The following EXOC6B variants were observed in gnomAD, a reference collection of about 807,000 sequenced individuals.
The protein encoded by EXOC6B is SEC15 homolog B.
A neutral mutation model predicts 113.5 loss-of-function variants in EXOC6B; 54 were observed. The observed-to-expected ratio is 0.48, with a 90% CI of 0.38 to 0.60. The LOEUF (loss-of-function observed/expected upper bound fraction) is 0.60. Ranked by LOEUF, EXOC6B falls within the 20% of genes least tolerant of loss-of-function variation. The pLI is 0.00. For missense variants in EXOC6B, 797 were observed against 977.5 expected, an observed-to-expected ratio of 0.82 and a Z score of 2.46; for synonymous variants, 357 against 339.0, an observed-to-expected ratio of 1.05 and a Z score of -0.58.
chr2:72,262,263 C>T (rs1411274165), intron 20 of EXOC6B, among the ~76,000 whole-genome samples: 1 of 151,812 alleles, frequency 6.6e-6, no homozygotes, highest in Non-Finnish European at 1.5e-5. Flanking sequence ...AGATGTATCT[C>T]AGGTAACCTC....
chr2:72,329,635 A>G (rs188667030), intron 20 of EXOC6B, among the ~76,000 whole-genome samples: 28 of 152,162 alleles, frequency 1.8e-4, no homozygotes, highest in Non-Finnish European at 3.5e-4. Flanking sequence ...TATTCACTAG[A>G]CTTGGGCAAT....
chr2:72,767,483 ATG>A (rs1325526340), intron 1 of EXOC6B, among the ~76,000 whole-genome samples: 1 of 151,810 alleles, frequency 6.6e-6, no homozygotes, highest in Non-Finnish European at 1.5e-5. Flanking sequence ...ACTTTTGTGT[ATG>A]TGTTATGTTT....
chr2:72,514,940 AACACACACACACAG>A, intron 9 of EXOC6B, 89 bp downstream of exon 9: 1 of 1,019,602 alleles, frequency 9.8e-7, no homozygotes, highest in Non-Finnish European at 1.4e-6. Context: ...AATGACAGTA[AACACACACACACAG>A]ACACACACAC....
intron 18 of EXOC6B, among the ~76,000 whole-genome samples, chr2:72,426,838 C>A (rs964323761): frequency 6.6e-6 from 1 of 152,244 alleles, no homozygotes; most frequent in Admixed American, 6.5e-5. Context: ...CCATCCGGAG[C>A]GGCCGCTGCT....
intron 20 of EXOC6B, among the ~76,000 whole-genome samples, chr2:72,265,932 T>G (rs1684050049): frequency 6.6e-6 from 1 of 152,132 alleles, no homozygotes; most frequent in East Asian, 1.9e-4. Flanking sequence ...CCTGACTTTT[T>G]AATAATTGCC....
intron 20 of EXOC6B, among the ~76,000 whole-genome samples, chr2:72,322,871 T>G (rs955520892): frequency 1.3e-5 from 2 of 152,108 alleles, no homozygotes; most frequent in African/African-American, 2.4e-5. Flanking sequence ...ATGTAAGACC[T>G]AAAAGCATAA....
chr2:72,782,461 T>G (rs1388851146), intron 1 of EXOC6B, among the ~76,000 whole-genome samples: 1 of 152,192 alleles, frequency 6.6e-6, no homozygotes, highest in Non-Finnish European at 1.5e-5. Flanking sequence ...ACGTATAGAC[T>G]GTGTAATGAT....
In EXOC6B at chr2:72,436,110, C is replaced by T. The variant is rs368595178; in HGVS notation, c.1980+29050G>A. Among the ~76,000 whole-genome samples, 22 of 152,288 alleles carry T rather than the reference C, an allele frequency of 1.4e-4. 2 individuals are homozygous for T. Among genetic ancestry groups the T allele is most frequent in the African/African-American group, 4.6e-4 (19 of 41,560 alleles). On this transcript the variant is annotated intron_variant, in intron 18 of 21. Transcript: ENST00000272427. ...CTGGTCTGGTAGTGACAAAATCCCT[C>T]AGCATTTGCTTATCTTTAAAGGATT...
At chr2:72,418,244 T>C (rs1694653145) in intron 18 of EXOC6B, among the ~76,000 whole-genome samples, 1 of 152,198 alleles carries the variant, frequency 6.6e-6, no homozygotes, top group Non-Finnish European at 1.5e-5. Context: ...TAGTCATTCA[T>C]ATTCTCGTAC....
chr2:72,377,980 G>A (rs924215735), intron 19 of EXOC6B, among the ~76,000 whole-genome samples: 1 of 150,996 alleles, frequency 6.6e-6, no homozygotes, highest in Non-Finnish European at 1.5e-5. Context: ...AAAAAACAGA[G>A]GAGCTCCTCC....
At chr2:72,410,735 A>G (rs1181222554) in intron 18 of EXOC6B, among the ~76,000 whole-genome samples, 1 of 152,192 alleles carries the variant, frequency 6.6e-6, no homozygotes, top group East Asian at 1.9e-4. Context: ...AAATATTTAT[A>G]TTTAAGTTAT....
At chr2:72,723,119 GA>G (rs964179555) in intron 5 of EXOC6B, among the ~76,000 whole-genome samples, 38 of 151,768 alleles carry the variant, frequency 2.5e-4, no homozygotes, top group Non-Finnish European at 4.9e-4. Context: ...GGCACCAAAA[GA>G]AAAAAAATAT....
At chr2:72,667,267 G>A (rs1034635501) in intron 6 of EXOC6B, among the ~76,000 whole-genome samples, 3 of 152,148 alleles carry the variant, frequency 2.0e-5, no homozygotes, top group Non-Finnish European at 2.9e-5. Flanking sequence ...TAACAGATTG[G>A]AAGAATCAAT....
chr2:72,416,607 T>C (rs746811970), intron 18 of EXOC6B, among the ~76,000 whole-genome samples: 2 of 152,190 alleles, frequency 1.3e-5, no homozygotes, highest in African/African-American at 2.4e-5. Flanking sequence ...CATTCTTTAA[T>C]TGGGTCCTGG....
At chr2:72,709,477 C>T (rs183090633) in intron 6 of EXOC6B, among the ~76,000 whole-genome samples, 5 of 152,020 alleles carry the variant, frequency 3.3e-5, no homozygotes, top group African/African-American at 1.2e-4. Context: ...TGGCAGGGGT[C>T]GAGGGTTGCT....
intron 20 of EXOC6B, among the ~76,000 whole-genome samples, chr2:72,236,934 C>T (rs1285313705): frequency 6.6e-6 from 1 of 152,052 alleles, no homozygotes; most frequent in Non-Finnish European, 1.5e-5. Context: ...AGTAGTAGTC[C>T]TGTTTTTCTC....
At chr2:72,721,735 GT>G (rs1680021929) in intron 5 of EXOC6B, 1 of 151,914 alleles carries the variant, frequency 6.6e-6, no homozygotes, top group Admixed American at 6.6e-5. Context: ...ATAAGAAGTA[GT>G]AAAAGGCTAA....
At chr2:72,352,767 C>A (rs1689735307) in intron 19 of EXOC6B, among the ~76,000 whole-genome samples, 1 of 146,912 alleles carries the variant, frequency 6.8e-6, no homozygotes. Flanking sequence ...GCGTTATCTA[C>A]ATAAAGGCAG....
chr2:72,459,875 C>A (rs935663992), intron 18 of EXOC6B, among the ~76,000 whole-genome samples: 10 of 151,974 alleles, frequency 6.6e-5, no homozygotes, highest in African/African-American at 2.4e-4. Flanking sequence ...CATATGGAAC[C>A]AAAAAAGAGC....
Sources: allele counts gnomAD v4.1 joint callset (sites outside exome capture counted in the v4.1 genomes callset), GRCh38; gene constraint gnomAD v4.1.1; transcripts MANE v1.5; gene names NCBI Gene and HGNC (gene_info 2026-07-23, HGNC 2026-07-21).